Variants in ANKS1B observed in about 807,000 individuals in gnomAD.
The protein encoded by ANKS1B is ankyrin repeat and sterile alpha motif domain-containing protein 1B.
A neutral mutation model predicts 148.3 loss-of-function variants in ANKS1B; 36 were observed. The observed-to-expected ratio is 0.24, with a 90% confidence interval of 0.19 to 0.32. The LOEUF is 0.32. Ranked by LOEUF, ANKS1B falls within the 10% of genes least tolerant of loss-of-function variation. ANKS1B has a pLI of 1.00. For missense variants in ANKS1B, 1,157 were observed against 1,542.6 expected (o/e 0.75, Z 4.19); for synonymous variants, 542 against 560.8 (o/e 0.97, Z 0.47).
intron 1 of ANKS1B, among the ~76,000 whole-genome samples, chr12:99,837,383 T>G (rs1461138950): frequency 6.6e-6 from 1 of 152,174 alleles, no homozygotes; most frequent in Middle Eastern, 3.2e-3. Context: ...AATGGGAAAC[T>G]AATACAGGTG....
At chr12:99,397,229 G>A (rs2094274340) in intron 12 of ANKS1B, among the ~76,000 whole-genome samples, 1 of 152,114 alleles carries the variant, frequency 6.6e-6, no homozygotes, top group South Asian at 2.1e-4. Flanking sequence ...GCCAGGCACT[G>A]TGTTAGTCAC....
chr12:99,202,843 T>C (rs536327648), intron 14 of ANKS1B, among the ~76,000 whole-genome samples: 5 of 152,350 alleles, frequency 3.3e-5, no homozygotes, highest in East Asian at 1.9e-4. Flanking sequence ...GTCATGCCAC[T>C]TGGGGACACT....
At chr12:99,647,896 G>A (rs936644076) in intron 9 of ANKS1B, 5 of 418,422 alleles carry the variant, frequency 1.2e-5, no homozygotes, top group Admixed American at 3.8e-5. Context: ...CTGTGTGCCC[G>A]GACATCCACG....
intron 21 of ANKS1B, among the ~76,000 whole-genome samples, chr12:98,799,694 T>A (rs2098983875): frequency 6.6e-6 from 1 of 152,116 alleles, no homozygotes; most frequent in South Asian, 2.1e-4. Flanking sequence ...CCATACTGTA[T>A]CATCCTGGTA....
chr12:99,880,174 C>T (rs2092388118), intron 1 of ANKS1B, among the ~76,000 whole-genome samples: 1 of 152,162 alleles, frequency 6.6e-6, no homozygotes, highest in South Asian at 2.1e-4. Context: ...TTAACTCCAA[C>T]AGATCAAATT....
chr12:99,489,216 T>G (rs928149797), intron 10 of ANKS1B, among the ~76,000 whole-genome samples: 3 of 142,482 alleles, frequency 2.1e-5, no homozygotes, highest in African/African-American at 7.9e-5. Flanking sequence ...CACTCCAGCC[T>G]GGGTGATAGA....
At chr12:99,196,345 T>C (rs1179078799) in intron 14 of ANKS1B, among the ~76,000 whole-genome samples, 1 of 152,214 alleles carries the variant, frequency 6.6e-6, no homozygotes, top group Non-Finnish European at 1.5e-5. Context: ...TTCCTGGCTC[T>C]GTGAAGCATC....
intron 10 of ANKS1B, among the ~76,000 whole-genome samples, chr12:99,461,092 C>T (rs1389755439): frequency 6.6e-6 from 1 of 151,450 alleles, no homozygotes; most frequent in Non-Finnish European, 1.5e-5. Flanking sequence ...TGGAATACTA[C>T]TTAGCCATAA....
At chr12:99,582,348 TA>T (rs1337906173) in intron 9 of ANKS1B, among the ~76,000 whole-genome samples, 5 of 149,202 alleles carry the variant, frequency 3.4e-5, no homozygotes, top group Admixed American at 6.7e-5. Context: ...AGGTATTTTT[TA>T]AAAAAAAAAG....
At chr12:99,094,283 A>G (rs2055143028) in intron 15 of ANKS1B, among the ~76,000 whole-genome samples, 1 of 152,220 alleles carries the variant, frequency 6.6e-6, no homozygotes, top group African/African-American at 2.4e-5. Flanking sequence ...ACTATATACC[A>G]AGTATTTACT....
At chr12:99,331,911 T>A (rs1284801125) in intron 12 of ANKS1B, among the ~76,000 whole-genome samples, 1 of 151,954 alleles carries the variant, frequency 6.6e-6, no homozygotes, top group Non-Finnish European at 1.5e-5. Context: ...AACCTGACTC[T>A]GGGAGCTGCG....
intron 4 of ANKS1B, among the ~76,000 whole-genome samples, chr12:99,797,685 T>C (rs539495225): frequency 9.0e-4 from 137 of 151,902 alleles, no homozygotes; most frequent in African/African-American, 3.1e-3. Context: ...GACAAACCTC[T>C]GAACACAGTG....
At chr12:98,972,289 T>C (rs2099883834) in intron 17 of ANKS1B, among the ~76,000 whole-genome samples, 1 of 152,188 alleles carries the variant, frequency 6.6e-6, no homozygotes, top group Non-Finnish European at 1.5e-5. Flanking sequence ...GGAAGAAAAA[T>C]CTCACTTGTT....
chr12:99,370,145 G>A (rs1163134324), intron 12 of ANKS1B, among the ~76,000 whole-genome samples: 3 of 152,044 alleles, frequency 2.0e-5, no homozygotes, highest in South Asian at 2.1e-4. Context: ...AGCAGCTAAC[G>A]GCATAGATAT....
At chr12:98,963,403 C>T (rs1022389711) in intron 17 of ANKS1B, among the ~76,000 whole-genome samples, 11 of 152,228 alleles carry the variant, frequency 7.2e-5, no homozygotes, top group African/African-American at 2.6e-4. Flanking sequence ...GTCCCAAACT[C>T]CTGGTCTCAA....
At chr12:98,895,010 C>T in intron 17 of ANKS1B, 2 of 717,366 alleles carry the variant, frequency 2.8e-6, no homozygotes, top group Non-Finnish European at 3.4e-6. Context: ...GGCGGCGGCG[C>T]GTCCTCCCCC....
intron 10 of ANKS1B, among the ~76,000 whole-genome samples, chr12:99,465,738 G>C (rs1240784925): frequency 3.3e-5 from 5 of 152,120 alleles, no homozygotes; most frequent in Admixed American, 1.3e-4. Flanking sequence ...AACAAGAAGA[G>C]CTAACTATCC....
chr12:99,121,318 G>GGGGTGT lies in ANKS1B; in HGVS notation c.2526+32970_2526+32971insACACCC, dbSNP rs796549235. Among the ~76,000 whole-genome samples the GGGGTGT allele has an allele frequency of 9.6e-4, 102 of 105,960 alleles. 3 individuals are homozygous for GGGGTGT. Among genetic ancestry groups the GGGGTGT allele is most frequent in the Admixed American group, 2.6e-3 (30 of 11,354 alleles). The allele number at this position is 105,960 out of a possible 152,430, so 69.5% of individuals were successfully genotyped here. A position where few individuals can be genotyped will look rare whatever the true frequency, so the allele number is the denominator to read the frequency against. On this transcript the variant is annotated intron_variant, in intron 15 of 26. Coordinates refer to ENST00000683438, the MANE Select transcript of ANKS1B (RefSeq NM_001352186.2). ...ACTGTTTTAACAGTGTGTGTATGTA[G>GGGGTGT]GTATGTGTGTGTGTGTGTGTGTGTG...
chr12:99,251,552 A>T (rs993116438), intron 12 of ANKS1B, among the ~76,000 whole-genome samples: 1 of 152,178 alleles, frequency 6.6e-6, no homozygotes. Flanking sequence ...AGAACTAAAT[A>T]TGTGTGAATT....
Sources: allele counts gnomAD v4.1 joint callset (sites outside exome capture counted in the v4.1 genomes callset), GRCh38; gene constraint gnomAD v4.1.1; transcripts MANE v1.5; gene names NCBI Gene and HGNC (gene_info 2026-07-23, HGNC 2026-07-21).